PRDM6: variants seen among roughly 807,000 people sequenced by gnomAD.
PRDM6 encodes the protein putative histone-lysine N-methyltransferase PRDM6.
PRDM6 carries 25 observed loss-of-function variants against 60.8 expected under a neutral mutation model. The observed-to-expected ratio is 0.41, with a 90% CI of 0.30 to 0.57. The LOEUF (loss-of-function observed/expected upper bound fraction) is 0.57, where lower values mean the gene tolerates loss of function less well. Among genes scored for constraint, PRDM6 ranks in the 20% least tolerant of loss-of-function variants. PRDM6 has a pLI of 0.27. For synonymous variants in PRDM6, 407 were observed against 357.4 expected (o/e 1.14, Z -1.57); for missense variants, 839 against 821.3 (o/e 1.02, Z -0.26).
At chr5:123,182,618 C>A (rs1766190176) in intron 7 of PRDM6, among the ~76,000 whole-genome samples, 1 of 152,114 alleles carries the variant, frequency 6.6e-6, no homozygotes, top group Non-Finnish European at 1.5e-5. Flanking sequence ...GCCATTTTAA[C>A]TTAATTTTAA....
intron 7 of PRDM6, among the ~76,000 whole-genome samples, chr5:123,183,072 T>G (rs1039839789): frequency 2.6e-5 from 4 of 152,216 alleles, no homozygotes; most frequent in Admixed American, 6.5e-5. Context: ...AAAACAAACA[T>G]TTTTAAAAAC....
intron 3 of PRDM6, among the ~76,000 whole-genome samples, chr5:123,117,411 A>AT (rs529331150): frequency 5.9e-4 from 90 of 151,370 alleles, no homozygotes; most frequent in Non-Finnish European, 9.9e-4. Context: ...GGTTTTTGGC[A>AT]TTTTTTTTTC....
chr5:123,090,130 G>C lies in PRDM6; in HGVS notation c.116G>C (p.Gly39Ala), dbSNP rs1763780506. The C allele has an allele frequency of 1.3e-6, 2 of 1,538,660 alleles. No individual in the cohort carries two copies. The highest frequency in any genetic ancestry group is 1.8e-6 in the Non-Finnish European group (2 of 1,142,302). ...GGCGCAGGCCCGCTCAAGGGCAGCG[G>C]CGCCGCGGGTCTCCTGAGCGCGCCG... ...HGGAGPLKGS[G>A]AAGLLSAPQP... The change falls in exon 2 of 8, where the codon GGC becomes GCC. Residue 39 changes from glycine to alanine, a missense_variant. Physicochemically the swap from Gly to Ala is moderately conservative, Grantham distance 60. Transcript: ENST00000407847.
In PRDM6 at chr5:123,194,016, T is replaced by C. The variant is rs942981130; in HGVS notation, c.*6815T>C. On this transcript the variant is annotated 3_prime_UTR_variant, in exon 8 of 8. Coordinates refer to ENST00000407847, the MANE Select transcript of PRDM6 (RefSeq NM_001136239.4). ...TAGTTTGCTGTAAGGGCCACTGATATGACAAGAATGATTATCCCACAGTAA... is the reference window on the plus strand; with the variant it reads ...TAGTTTGCTGTAAGGGCCACTGATACGACAAGAATGATTATCCCACAGTAA... 7 of 152,116 alleles carry C rather than the reference T, an allele frequency of 4.6e-5. No homozygotes were observed. The highest frequency in any genetic ancestry group is 3.9e-4 in the East Asian group (2 of 5,182). The allele number at this position is 152,116 out of a possible 1,614,324, so 9.4% of individuals were successfully genotyped here. A position where few individuals can be genotyped will look rare whatever the true frequency, so the allele number is the denominator to read the frequency against.
intron 3 of PRDM6, among the ~76,000 whole-genome samples, chr5:123,115,515 A>G (rs1332753413): frequency 6.6e-6 from 1 of 152,206 alleles, no homozygotes; most frequent in African/African-American, 2.4e-5. Context: ...CCTCACTTTA[A>G]TTATGTTTTA....
rs1561792646 is a variant in PRDM6, at chr5:123,090,470, T to TGGTGGC, written c.459_464dup (p.Gly157_Gly158dup). ...GCCCCGGGCCCGTCAAGTGCGGTGGTGGTGGCGGCGGCGGCGGGGAGGGTC... is the reference window on the plus strand; with the variant it reads ...GCCCCGGGCCCGTCAAGTGCGGTGGTGGTGGCGGTGGCGGCGGCGGCGGGGAGGGTC... On this transcript the variant is annotated inframe_insertion, in exon 2 of 8. Transcript: ENST00000407847. 3 of 1,483,016 alleles carry TGGTGGC rather than the reference T, an allele frequency of 2.0e-6. No homozygotes were observed. Among genetic ancestry groups the TGGTGGC allele is most frequent in the South Asian group, 1.3e-5 (1 of 78,370 alleles). 91.9% of individuals were successfully genotyped at this position (1,483,016 alleles called of 1,614,324 possible).
intron 3 of PRDM6, among the ~76,000 whole-genome samples, chr5:123,106,275 A>G (rs1222717445): frequency 3.9e-5 from 6 of 152,006 alleles, no homozygotes; most frequent in Non-Finnish European, 8.8e-5. Context: ...CTGGGTTTCC[A>G]GGTAGACTCC....
chr5:123,135,061 C>G (rs1764925291), intron 3 of PRDM6, among the ~76,000 whole-genome samples: 1 of 151,312 alleles, frequency 6.6e-6, no homozygotes, highest in Non-Finnish European at 1.5e-5. Context: ...TTGCTGAAAG[C>G]AAATTATCTC....
chr5:123,180,339 C>T lies in PRDM6; in HGVS notation c.1673+16C>T, dbSNP rs772901809. On this transcript the variant is annotated intron_variant, in intron 7 of 7. Transcript: ENST00000407847. ...AGCCCTTCAAGTAAGTAGTGGCTAGCCCTCCACCCTCTCTTTCTCTTAGCC... is the reference window on the plus strand; with the variant it reads ...AGCCCTTCAAGTAAGTAGTGGCTAGTCCTCCACCCTCTCTTTCTCTTAGCC... 2.0e-6 allele frequency: 3 copies of T among 1,538,450 alleles called. No homozygotes were observed. The highest frequency in any genetic ancestry group is 1.4e-5 in the African/African-American group (1 of 72,858).
chr5:123,179,643 G>A (rs1358060532), intron 6 of PRDM6, among the ~76,000 whole-genome samples: 1 of 152,150 alleles, frequency 6.6e-6, no homozygotes, highest in Non-Finnish European at 1.5e-5. Flanking sequence ...TGTGTCCCGG[G>A]AGGACAGTTT....
intron 4 of PRDM6, among the ~76,000 whole-genome samples, chr5:123,158,531 A>G (rs1015009415): frequency 6.6e-6 from 1 of 152,218 alleles, no homozygotes; most frequent in African/African-American, 2.4e-5. Flanking sequence ...TGCAAGTACA[A>G]TATTGAGAAT....
intron 3 of PRDM6, among the ~76,000 whole-genome samples, chr5:123,145,506 T>G (rs1765219703): frequency 6.6e-6 from 1 of 152,218 alleles, no homozygotes; most frequent in Non-Finnish European, 1.5e-5. Context: ...GCCTCATCTC[T>G]TGGATCTTGA....
At chr5:123,109,407 C>T (rs1032817969) in intron 3 of PRDM6, among the ~76,000 whole-genome samples, 1 of 151,866 alleles carries the variant, frequency 6.6e-6, no homozygotes, top group Admixed American at 6.6e-5. Context: ...GTTTTCAGTT[C>T]GATTTTAATG....
At chr5:123,092,967 T>C (rs1399153783) in intron 2 of PRDM6, among the ~76,000 whole-genome samples, 2 of 152,202 alleles carry the variant, frequency 1.3e-5, no homozygotes, top group Non-Finnish European at 2.9e-5. Context: ...TCGTTTCCTT[T>C]GGCAGGGGAA....
intron 3 of PRDM6, among the ~76,000 whole-genome samples, chr5:123,108,700 A>G (rs1488925153): frequency 6.6e-6 from 1 of 152,164 alleles, no homozygotes; most frequent in Non-Finnish European, 1.5e-5. Context: ...ATTAATTTTT[A>G]TATTACAAAT....
chr5:123,144,764 T>C (rs746125053), intron 3 of PRDM6, among the ~76,000 whole-genome samples: 3 of 152,188 alleles, frequency 2.0e-5, no homozygotes, highest in Non-Finnish European at 2.9e-5. Flanking sequence ...CAAGGCATAC[T>C]TTTGAAAGCA....
At chr5:123,093,166 A>C (rs1763880187) in intron 2 of PRDM6, among the ~76,000 whole-genome samples, 1 of 152,204 alleles carries the variant, frequency 6.6e-6, no homozygotes, top group African/African-American at 2.4e-5. Context: ...GAATTCTGTG[A>C]AGTGACCACT....
At chr5:123,171,186 C>T (rs1174912209) in intron 6 of PRDM6, 78 bp downstream of exon 6, 6 of 1,172,030 alleles carry the variant, frequency 5.1e-6, no homozygotes, top group South Asian at 4.7e-5. Flanking sequence ...CTTCTGAGCA[C>T]CTCCACAGGG....
chr5:123,113,793 CAG>C (rs1440126382), intron 3 of PRDM6, among the ~76,000 whole-genome samples: 1 of 152,190 alleles, frequency 6.6e-6, no homozygotes, highest in Non-Finnish European at 1.5e-5. Context: ...GTTTTTCAGA[CAG>C]AGCAGTTATA....
Sources: allele counts gnomAD v4.1 joint callset (sites outside exome capture counted in the v4.1 genomes callset), GRCh38; gene constraint gnomAD v4.1.1; transcripts MANE v1.5; gene names NCBI Gene and HGNC (gene_info 2026-07-23, HGNC 2026-07-21).